Variants in ZNF131 observed in about 807,000 individuals in gnomAD.
ZNF131 encodes zinc finger and BTB domain containing 35, also known as zinc finger protein 131.
ZNF131 carries 7 observed loss-of-function variants against 60.0 expected under a neutral mutation model. The ratio of observed to expected loss-of-function variants is 0.12; its 90% CI spans 0.07 to 0.22. The LOEUF is 0.22. Among genes scored for constraint, ZNF131 ranks in the 10% least tolerant of loss-of-function variants. The pLI, the probability that ZNF131 is intolerant of heterozygous loss-of-function variation, is 1.00. For synonymous variants in ZNF131, 257 were observed against 253.2 expected (o/e 1.01, Z -0.14); for missense variants, 493 against 740.9 (o/e 0.67, Z 3.88).
chr5:43,122,128 TGAACAGCGA>T lies in ZNF131; in HGVS notation c.78_86del (p.Arg28_Gln30del). ...ATAAAATGATCCTCGACCGATTGAA[TGAACAGCGA>T]GAGCAGGACCGGTTTACTGACATCA... On this transcript the variant is annotated inframe_deletion, in exon 2 of 7. Coordinates refer to ENST00000682664, the MANE Select transcript of ZNF131 (RefSeq NM_001330707.2). 6.2e-7 allele frequency: 1 copy of T among 1,614,002 alleles called. No homozygotes were observed.
intron 5 of ZNF131, among the ~76,000 whole-genome samples, chr5:43,169,694 C>CT (rs1463430713): frequency 1.3e-5 from 2 of 152,142 alleles, no homozygotes; most frequent in African/African-American, 4.8e-5. Flanking sequence ...GTATTACAGA[C>CT]TATGCTGTAG....
chr5:43,142,266 C>T (rs1306888942), intron 4 of ZNF131, among the ~76,000 whole-genome samples: 5 of 146,938 alleles, frequency 3.4e-5, no homozygotes, highest in African/African-American at 4.9e-5. Context: ...TGCTTGAACC[C>T]GGGAGGCGGT....
intron 4 of ZNF131, among the ~76,000 whole-genome samples, chr5:43,159,059 C>T (rs1749313196): frequency 1.3e-5 from 2 of 152,138 alleles, no homozygotes; most frequent in African/African-American, 2.4e-5. Flanking sequence ...TTTCCCTTCC[C>T]CTCAAGTCCC....
At chr5:43,146,758 T>C (rs1417716906) in intron 4 of ZNF131, among the ~76,000 whole-genome samples, 1 of 151,904 alleles carries the variant, frequency 6.6e-6, no homozygotes, top group African/African-American at 2.4e-5. Context: ...ATACAAAAAT[T>C]AGCCGGACAT....
At chr5:43,149,019 C>T (rs1453099075) in intron 4 of ZNF131, among the ~76,000 whole-genome samples, 1 of 152,252 alleles carries the variant, frequency 6.6e-6, no homozygotes, top group Admixed American at 6.5e-5. Context: ...GTGGCTCACA[C>T]CTGTAATCCC....
At chr5:43,167,859 GTC>G (rs1039644160) in intron 5 of ZNF131, 1 of 385,000 alleles carries the variant, frequency 2.6e-6, no homozygotes, top group African/African-American at 2.1e-5. Context: ...TGATATCTTA[GTC>G]TGTTCTGTTG....
intron 3 of ZNF131, among the ~76,000 whole-genome samples, chr5:43,137,851 GA>G: frequency 6.6e-6 from 1 of 152,314 alleles, no homozygotes; most frequent in South Asian, 2.1e-4. Context: ...AATGGATAAA[GA>G]AAATGTAGTA....
rs369380033 is a variant in ZNF131, at chr5:43,157,284, A to G, written c.372-3965A>G. On this transcript the variant is annotated intron_variant, in intron 4 of 6. Coordinates refer to ENST00000682664, the MANE Select transcript of ZNF131 (RefSeq NM_001330707.2). ...GTTTTATCATTCTTCCTTGATAAGC[A>G]TTATGTTCTCCCCTCATCTCCCATG... is the stretch of plus-strand genomic sequence containing the variant. Among the ~76,000 whole-genome samples the G allele has an allele frequency of 8.5e-5, 13 of 152,306 alleles. No individual in the cohort carries two copies. In the East Asian group the frequency reaches 1.7e-3, roughly 20 times the overall value.
intron 3 of ZNF131, among the ~76,000 whole-genome samples, chr5:43,126,630 G>A (rs1213520637): frequency 6.6e-6 from 1 of 152,062 alleles, no homozygotes; most frequent in African/African-American, 2.4e-5. Flanking sequence ...TCTGTAGAGG[G>A]GCTCATTTCC....
At chr5:43,174,347 G>T in intron 6 of ZNF131, 100 bp from the exon 7 acceptor site, 1 of 1,083,526 alleles carries the variant, frequency 9.2e-7, no homozygotes, top group South Asian at 2.0e-5. Flanking sequence ...AACATTTACA[G>T]AATAAGCCTT....
Position 43,169,306 on chromosome 5 carries a change from T to C in ZNF131, c.1055-4012T>C, listed in dbSNP as rs147873761. Among the ~76,000 whole-genome samples the C allele has an allele frequency of 4.1e-4, 62 of 152,280 alleles. 1 individual carries two copies. The highest frequency in any genetic ancestry group is 6.5e-4 in the Non-Finnish European group (44 of 68,016). Reference sequence around the variant, plus strand: ...GTCCACACATCTAAAATAATTAATATGTTTCTATTTCTACATTTTACTGAG... The same window carrying C: ...GTCCACACATCTAAAATAATTAATACGTTTCTATTTCTACATTTTACTGAG... On this transcript the variant is annotated intron_variant, in intron 5 of 6. Coordinates refer to ENST00000682664, the MANE Select transcript of ZNF131 (RefSeq NM_001330707.2).
intron 5 of ZNF131, among the ~76,000 whole-genome samples, chr5:43,170,356 T>A (rs1018352050): frequency 1.3e-5 from 2 of 152,220 alleles, no homozygotes; most frequent in Non-Finnish European, 2.9e-5. Context: ...TCATTCTATT[T>A]AAGCGTGAGG....
At chr5:43,155,745 TAGG>T (rs1156686639) in intron 4 of ZNF131, among the ~76,000 whole-genome samples, 1 of 152,146 alleles carries the variant, frequency 6.6e-6, no homozygotes, top group African/African-American at 2.4e-5. Flanking sequence ...GGGAGGAGGA[TAGG>T]AGAAGAAACA....
At chr5:43,152,273 G>T (rs545038066) in intron 4 of ZNF131, among the ~76,000 whole-genome samples, 7 of 152,226 alleles carry the variant, frequency 4.6e-5, no homozygotes, top group Non-Finnish European at 1.0e-4. Flanking sequence ...AAAGTGCTGG[G>T]ATTACAGGTG....
At chr5:43,145,664 A>C (rs1217031227) in intron 4 of ZNF131, among the ~76,000 whole-genome samples, 1 of 152,120 alleles carries the variant, frequency 6.6e-6, no homozygotes, top group Non-Finnish European at 1.5e-5. Flanking sequence ...CTCAAAACAA[A>C]AAAAAAAGAA....
At chr5:43,159,208 G>A (rs1749332663) in intron 4 of ZNF131, among the ~76,000 whole-genome samples, 1 of 152,160 alleles carries the variant, frequency 6.6e-6, no homozygotes, top group South Asian at 2.1e-4. Flanking sequence ...CAGAGTGGGG[G>A]CATTCTCTTT....
In ZNF131 at chr5:43,161,356, C is replaced by G. The variant is rs1451198338; in HGVS notation, c.479C>G (p.Ser160Cys). ...AATGTTATCACTGAGTCATTGCCAT[C>G]TGCAGAATCAGAACCTGTTGAAATT... ...TSNVITESLP[S>C]AESEPVEIEV... is the part of the protein sequence containing the mutation. Residue 160 changes from serine to cysteine, a missense_variant, in exon 5 of 7, where the codon TCT (serine) becomes TGT (cysteine). Ser to Cys is a moderately radical substitution (Grantham distance 112). Around this residue, in one of 7 missense-constraint regions of ZNF131, gnomAD observed 138 missense variants for 158.7 expected, o/e 0.87. Transcript: ENST00000682664. 9 of 1,614,226 alleles carry G rather than the reference C, an allele frequency of 5.6e-6. No individual in the cohort carries two copies. The highest frequency in any genetic ancestry group is 7.6e-6 in the Non-Finnish European group (9 of 1,180,038).
At chr5:43,156,073 TGATTCC>T (rs1748925858) in intron 4 of ZNF131, among the ~76,000 whole-genome samples, 1 of 152,174 alleles carries the variant, frequency 6.6e-6, no homozygotes, top group Admixed American at 6.5e-5. Context: ...CCAGTTGGGG[TGATTCC>T]CTCTGGTACT....
In ZNF131 at chr5:43,143,898, C is replaced by CTTTTTTTTTTTTTTTTTTTTTT. The variant is rs79246574; in HGVS notation, c.371+4606_371+4627dup. On this transcript the variant is annotated intron_variant, in intron 4 of 6. Transcript: ENST00000682664. Reference sequence around the variant, plus strand: ...TAGGTTCTCTGGAATATTGTCAGAGCTTTTTTTTTTTTTTTTTTTTTTTTT... The same window carrying CTTTTTTTTTTTTTTTTTTTTTT: ...TAGGTTCTCTGGAATATTGTCAGAGCTTTTTTTTTTTTTTTTTTTTTTTTTTTTTTTTTTTTTTTTTTTTTTT... 5.7e-5 allele frequency among the ~76,000 whole-genome samples: 2 copies of CTTTTTTTTTTTTTTTTTTTTTT among 34,994 alleles called. 1 individual carries two copies. The allele number at this position is 34,994 out of a possible 152,430, so 23.0% of individuals were successfully genotyped here.
Sources: allele counts gnomAD v4.1 joint callset (sites outside exome capture counted in the v4.1 genomes callset), GRCh38; gene constraint gnomAD v4.1.1; regional missense constraint gnomAD v4.1.1; transcripts MANE v1.5; gene names NCBI Gene and HGNC (gene_info 2026-07-23, HGNC 2026-07-21).